The following GPR180 variants were observed in gnomAD, a reference collection of about 807,000 sequenced individuals.
GPR180 encodes integral membrane protein GPR180.
Under a neutral mutation model 52.6 loss-of-function variants are expected in GPR180, and 53 were observed. The ratio of observed to expected loss-of-function variants is 1.01; its 90% CI spans 0.81 to 1.27. The LOEUF is 1.27. Ranked by LOEUF, GPR180 falls within the 50% of genes most tolerant of loss-of-function variation. The probability of loss-of-function intolerance (pLI) is 0.00; values close to 1 mark genes in which losing one functional copy is unlikely to be tolerated. For missense variants in GPR180, 533 were observed against 527.0 expected (o/e 1.01, Z -0.11); for synonymous variants, 200 against 193.1 (o/e 1.04, Z -0.30).
At chr13:94,619,060 A>G in intron 3 of GPR180, 90 bp from the exon 4 acceptor site, 1 of 1,011,376 alleles carries the variant, frequency 9.9e-7, no homozygotes, top group Non-Finnish European at 1.4e-6. Flanking sequence ...AACAAGTTCT[A>G]GAAATATATT....
intron 7 of GPR180, among the ~76,000 whole-genome samples, chr13:94,625,322 C>T (rs867673237): frequency 1.3e-5 from 2 of 152,094 alleles, no homozygotes; most frequent in Non-Finnish European, 1.5e-5. Context: ...CATTTTTATA[C>T]AAATAGTAAC....
chr13:94,618,545 A>C (rs1594476288), intron 3 of GPR180, among the ~76,000 whole-genome samples: 1 of 149,976 alleles, frequency 6.7e-6, no homozygotes, highest in African/African-American at 2.5e-5. Flanking sequence ...GACATTCCAG[A>C]GCTGTGGTCC....
chr13:94,605,488 G>A lies in GPR180; in HGVS notation c.243G>A (p.Lys81=). ...LYLFQAQEWL[K]LQQSSHGYSC... is the part of the protein sequence containing the mutation. The stretch of plus-strand genomic sequence containing the variant: ...TGTTCCAAGCCCAGGAATGGCTAAA[G>A]CTACAGCAAAGCAGTCATGGTTATA... The change falls in exon 2 of 9, where the codon AAG becomes AAA. Residue 81 remains lysine, a synonymous_variant. Coordinates refer to ENST00000376958, the MANE Select transcript of GPR180 (RefSeq NM_180989.6). The A allele has an allele frequency of 6.2e-7, 1 of 1,614,132 alleles. No individual in the cohort carries two copies. The highest frequency in any genetic ancestry group is 1.1e-5 in the South Asian group (1 of 91,084).
chr13:94,618,733 CA>C (rs1344411647), intron 3 of GPR180, among the ~76,000 whole-genome samples: 1 of 152,092 alleles, frequency 6.6e-6, no homozygotes, highest in Non-Finnish European at 1.5e-5. Context: ...GATGCATTGT[CA>C]GGGCATATTA....
At chr13:94,619,703 C>A (rs1163253090) in intron 5 of GPR180, among the ~76,000 whole-genome samples, 186 bp downstream of exon 5, 1 of 152,018 alleles carries the variant, frequency 6.6e-6, no homozygotes, top group Non-Finnish European at 1.5e-5. Context: ...GTAATGTGTA[C>A]AGCTCCTCGT....
chr13:94,613,918 G>A (rs561512569), intron 3 of GPR180, among the ~76,000 whole-genome samples: 52 of 147,492 alleles, frequency 3.5e-4, no homozygotes, highest in Admixed American at 5.5e-4. Context: ...TTGCCCTGTC[G>A]CCCAGCCTGG....
Position 94,630,068 on chromosome 13 carries a change from A to G in GPR180, c.*2897A>G, listed in dbSNP as rs1195306882. The G allele has an allele frequency of 6.6e-6, 1 of 152,252 alleles. No individual in the cohort carries two copies. Among genetic ancestry groups the G allele is most frequent in the Non-Finnish European group, 1.5e-5 (1 of 68,038 alleles). The allele number at this position is 152,252 out of a possible 1,614,324, so 9.4% of individuals were successfully genotyped here. A position where few individuals can be genotyped will look rare whatever the true frequency, so the allele number is the denominator to read the frequency against. On this transcript the variant is annotated 3_prime_UTR_variant, in exon 9 of 9. Coordinates refer to ENST00000376958, the MANE Select transcript of GPR180 (RefSeq NM_180989.6). ...TGTTTTGAGAATTGATATGATTGTT[A>G]GAAGTAGCCAGATACGAAGAGGTAA...
In GPR180 at chr13:94,626,005, T is replaced by C. The variant is rs768738849; in HGVS notation, c.1126T>C (p.Cys376Arg). 6.2e-7 allele frequency: 1 copy of C among 1,612,068 alleles called. No individual in the cohort carries two copies. Among genetic ancestry groups the C allele is most frequent in the Admixed American group, 1.7e-5 (1 of 59,950 alleles). Residue 376 changes from cysteine to arginine, a missense_variant, in exon 8 of 9, where the codon TGC (cysteine) becomes CGC (arginine). By Grantham distance (180) the Cys-to-Arg change is radical. Transcript: ENST00000376958. ...LWFLCHPVLA[C>R]ISVIFSDYQR... ...GTTTTTATGCCATCCAGTTCTTGCA[T>C]GCATTTCTGTCATTTTTAGCGACTA...
At chr13:94,606,826 A>T (rs1417248180) in intron 2 of GPR180, among the ~76,000 whole-genome samples, 1 of 152,242 alleles carries the variant, frequency 6.6e-6, no homozygotes. Flanking sequence ...TTGTGAGAAG[A>T]TAGTATCCTA....
At chr13:94,612,865 ACT>A (rs1457717346) in intron 3 of GPR180, among the ~76,000 whole-genome samples, 1 of 138,778 alleles carries the variant, frequency 7.2e-6, no homozygotes, top group Non-Finnish European at 1.5e-5. Flanking sequence ...TGTATGGGTA[ACT>A]CTGTACTAGC....
In GPR180 at chr13:94,602,001, T is replaced by G; in HGVS notation, c.74T>G (p.Leu25Arg). 6.8e-7 allele frequency: 1 copy of G among 1,477,178 alleles called. No homozygotes were observed. Among genetic ancestry groups the G allele is most frequent in the Non-Finnish European group, 9.0e-7 (1 of 1,116,724 alleles). The allele number at this position is 1,477,178 out of a possible 1,614,324, so 91.5% of individuals were successfully genotyped here. Residue 25 changes from leucine to arginine, a missense_variant, in exon 1 of 9, where the codon CTG (leucine) becomes CGG (arginine). Coordinates refer to ENST00000376958, the MANE Select transcript of GPR180 (RefSeq NM_180989.6). The part of the protein sequence containing the change: ...WWPQGSQGKT[L>R]RGSFSSTAAQ... ...CCGCAGGGCAGCCAGGGTAAGACCC[T>G]GCGGGGCAGCTTCAGCAGCACCGCG...
At chr13:94,602,316 C>T (rs1889568359) in intron 1 of GPR180, among the ~76,000 whole-genome samples, 1 of 152,230 alleles carries the variant, frequency 6.6e-6, no homozygotes, top group African/African-American at 2.4e-5. Context: ...TCGTGTTCCG[C>T]ACCTGAAAGC....
chr13:94,615,278 C>G lies in GPR180; in HGVS notation c.505+2888C>G, dbSNP rs114192526. On this transcript the variant is annotated intron_variant, in intron 3 of 8. Coordinates refer to ENST00000376958, the MANE Select transcript of GPR180 (RefSeq NM_180989.6). The stretch of plus-strand genomic sequence containing the variant: ...GGAATTTGTTTACAGGGAAAATGTT[C>G]AATTCATTTTAGAAACTTCTGCTAG... Among the ~76,000 whole-genome samples the G allele has an allele frequency of 3.3e-3, 504 of 152,298 alleles. 4 individuals carry two copies. The highest frequency in any genetic ancestry group is 0.01 in the African/African-American group (419 of 41,560).
intron 3 of GPR180, 124 bp from the exon 4 acceptor site, chr13:94,619,026 T>A: frequency 1.3e-6 from 1 of 780,116 alleles, no homozygotes; most frequent in South Asian, 2.3e-5. Context: ...CTTACAAAGG[T>A]GAATGCTATG....
At chr13:94,612,451 C>T (rs1889720465) in intron 3 of GPR180, 61 bp downstream of exon 3, 3 of 1,224,470 alleles carry the variant, frequency 2.5e-6, no homozygotes, top group Non-Finnish European at 2.3e-6. Context: ...CAAATATATT[C>T]ATGTTGTATT....
intron 3 of GPR180, among the ~76,000 whole-genome samples, chr13:94,617,540 G>C (rs916450752): frequency 3.3e-5 from 5 of 152,106 alleles, no homozygotes; most frequent in Non-Finnish European, 5.9e-5. Context: ...CACTAGAAAA[G>C]TTAACTGTCC....
Position 94,621,117 on chromosome 13 carries a change from T to C in GPR180, c.776T>C (p.Leu259Pro). The change falls in exon 6 of 9, where the codon CTT becomes CCT. Residue 259 changes from leucine (L) to proline (P), a missense_variant. Physicochemically the swap from Leu to Pro is moderately conservative, Grantham distance 98. Transcript: ENST00000376958. ...TCCCAAATTCAGATGTTATACTTAC[T>C]TTTGAGTCTATGCATGGGTTGGACA... ...IASQIQMLYLLLSLCMGWTIV... is the reference protein window; with the variant it reads ...IASQIQMLYLPLSLCMGWTIV... 1 of 1,611,382 alleles carries C rather than the reference T, an allele frequency of 6.2e-7. No homozygotes were observed. Among genetic ancestry groups the C allele is most frequent in the Non-Finnish European group, 8.5e-7 (1 of 1,179,526 alleles).
rs764341635 is a variant in GPR180 at position 94,627,206 on chromosome 13, T to C, written c.*35T>C. ...TTTGTTGAGAGGAAAAGTGAATTGG[T>C]TAAAAGAGTGCAATAAGGATCCAAA... On this transcript the variant is annotated 3_prime_UTR_variant, in exon 9 of 9. Coordinates refer to ENST00000376958, the MANE Select transcript of GPR180 (RefSeq NM_180989.6). 6.3e-6 allele frequency: 10 copies of C among 1,588,136 alleles called. No homozygotes were observed. In the South Asian group the frequency reaches 1.1e-4, roughly 18 times the overall value.
intron 6 of GPR180, among the ~76,000 whole-genome samples, chr13:94,621,478 T>C (rs1889850500): frequency 6.6e-6 from 1 of 152,206 alleles, no homozygotes; most frequent in South Asian, 2.1e-4. Flanking sequence ...ATAATTTACC[T>C]GAATTTGAGC....
Sources: allele counts gnomAD v4.1 joint callset (sites outside exome capture counted in the v4.1 genomes callset), GRCh38; gene constraint gnomAD v4.1.1; transcripts MANE v1.5; gene names NCBI Gene and HGNC (gene_info 2026-07-23, HGNC 2026-07-21).